Variants in ECE1 observed in about 807,000 individuals in gnomAD.
ECE1 encodes endothelin-converting enzyme 1.
ECE1 carries 35 observed loss-of-function variants against 98.6 expected under a neutral mutation model. The ratio of observed to expected loss-of-function variants is 0.35; its 90% CI spans 0.27 to 0.47. The LOEUF (loss-of-function observed/expected upper bound fraction) is 0.47, where lower values mean the gene tolerates loss of function less well. ECE1 is among the 20% of genes least tolerant of loss of function. The probability of loss-of-function intolerance (pLI) is 1.00; values close to 1 mark genes in which losing one functional copy is unlikely to be tolerated. For missense variants in ECE1, 814 were observed against 1,025.3 expected (o/e 0.79, Z 2.81); for synonymous variants, 394 against 407.1 (o/e 0.97, Z 0.39).
chr1:21,228,061 A>C lies in ECE1; in HGVS notation c.1671-20T>G, dbSNP rs190487320. On this transcript the variant is annotated intron_variant, in intron 14 of 18. Coordinates refer to ENST00000374893, the MANE Select transcript of ECE1 (RefSeq NM_001397.3). ...CTCCACCTGCAAGCAACACACATGC[A>C]GGAGGTCTCAGCACAGGGCGGGAGG... 12,109 of 1,546,418 alleles carry C rather than the reference A, an allele frequency of 7.8e-3. 66 individuals are homozygous for C. The highest frequency in any genetic ancestry group is 9.7e-3 in the Non-Finnish European group (11,082 of 1,143,096).
chr1:21,343,549 G>A lies in ECE1; in HGVS notation c.3+1827C>T, dbSNP rs142984271. ...GCTCAAGCTTGGAAAAGAAAACTAA[G>A]CAGTACTGAAGCAAAGCACTCTCAC... On this transcript the variant is annotated intron_variant, in intron 1 of 18. Transcript: ENST00000415912. 2.2e-3 allele frequency among the ~76,000 whole-genome samples: 329 copies of A among 152,336 alleles called. 3 individuals carry two copies. The highest frequency in any genetic ancestry group is 7.3e-3 in the African/African-American group (303 of 41,572).
At position 21,290,176 on chromosome 1, in the gene ECE1, A is replaced by C. The variant is rs1359450240; in HGVS notation, c.52-20T>G. ...CGACATCTGCAAGGCCAAATGCAGC[A>C]CGGACTCCCTCAGCGCCTCCATGGC... On this transcript the variant is annotated intron_variant, in intron 1 of 18. Coordinates refer to ENST00000374893, the MANE Select transcript of ECE1 (RefSeq NM_001397.3). The surrounding 1 kb of genome is among the most constrained non-coding windows in gnomAD (Gnocchi z 7.3). 2.6e-6 allele frequency: 4 copies of C among 1,541,212 alleles called. No homozygotes were observed. The highest frequency in any genetic ancestry group is 2.6e-6 in the Non-Finnish European group (3 of 1,146,198).
intron 4 of ECE1, among the ~76,000 whole-genome samples, chr1:21,262,264 G>C (rs1156863810): frequency 6.6e-6 from 1 of 152,162 alleles, no homozygotes; most frequent in African/African-American, 2.4e-5. Context: ...GGGCTACTGG[G>C]TTGCTAAGTG....
chr1:21,315,739 A>G (rs1291143280), intron 1 of ECE1, among the ~76,000 whole-genome samples: 1 of 143,018 alleles, frequency 7.0e-6, no homozygotes, highest in African/African-American at 2.6e-5. Flanking sequence ...GGTTGCAGTG[A>G]GCTGTGTGCC....
At chr1:21,334,310 G>A (rs1455123068) in intron 1 of ECE1, among the ~76,000 whole-genome samples, 1 of 152,210 alleles carries the variant, frequency 6.6e-6, no homozygotes, top group African/African-American at 2.4e-5. Context: ...CTGGCTCCCA[G>A]CCACCACACC....
At chr1:21,223,706 C>T (rs1452413845) in intron 17 of ECE1, among the ~76,000 whole-genome samples, 1 of 152,080 alleles carries the variant, frequency 6.6e-6, no homozygotes, top group Non-Finnish European at 1.5e-5. Flanking sequence ...CATCGTGATC[C>T]ACCCACCAAG....
At chr1:21,223,166 G>A (rs373019895) in intron 17 of ECE1, among the ~76,000 whole-genome samples, 3 of 152,016 alleles carry the variant, frequency 2.0e-5, no homozygotes, top group Non-Finnish European at 2.9e-5. Context: ...TGGTAGAGAC[G>A]GGGTTTCACC....
At chr1:21,317,055 G>A (rs955987253) in intron 1 of ECE1, among the ~76,000 whole-genome samples, 6 of 152,080 alleles carry the variant, frequency 3.9e-5, no homozygotes, top group Non-Finnish European at 5.9e-5. Context: ...GGTAAGAAAC[G>A]GACTGGGGGT....
intron 1 of ECE1, among the ~76,000 whole-genome samples, chr1:21,313,571 A>T (rs1044967324): frequency 1.5e-4 from 23 of 151,970 alleles, no homozygotes; most frequent in African/African-American, 5.1e-4. Context: ...GGAGTGGGGG[A>T]GCAGGGGGCT....
At chr1:21,282,569 CAG>C (rs911499902) in intron 2 of ECE1, among the ~76,000 whole-genome samples, 3 of 135,756 alleles carry the variant, frequency 2.2e-5, no homozygotes, top group African/African-American at 8.7e-5. Flanking sequence ...GCCTGGGTGA[CAG>C]AGTGAGACGC....
chr1:21,248,619 C>T (rs1447498967), intron 8 of ECE1, among the ~76,000 whole-genome samples: 1 of 151,810 alleles, frequency 6.6e-6, no homozygotes, highest in Non-Finnish European at 1.5e-5. Flanking sequence ...GTTCAGAGCT[C>T]TCTTTTTCTT....
upstream of ECE1, among the ~76,000 whole-genome samples, chr1:21,295,244 C>T (rs1186150992): frequency 1.3e-5 from 2 of 152,196 alleles, no homozygotes; most frequent in African/African-American, 2.4e-5. Flanking sequence ...GGCATGGTGA[C>T]TCATGCCTGC....
Position 21,219,904 on chromosome 1 carries a change from C to T in ECE1, c.*51G>A. The T allele has an allele frequency of 6.2e-7, 1 of 1,608,048 alleles. No homozygotes were observed. Among genetic ancestry groups the T allele is most frequent in the Non-Finnish European group, 8.5e-7 (1 of 1,177,250 alleles). On this transcript the variant is annotated 3_prime_UTR_variant, in exon 19 of 19. Coordinates refer to ENST00000374893, the MANE Select transcript of ECE1 (RefSeq NM_001397.3). This position sits in a 1 kb window ranked among gnomAD's most constrained non-coding sequence, Gnocchi z 4.5. ...AATGCCCTGGAGGCTGGATGGGGGT[C>T]TCGTCCTCAGCCCCTTCCCCTCCTC...
At position 21,322,037 on chromosome 1, in the gene ECE1, C is replaced by T. The variant is rs1166125953; in HGVS notation, c.3+23339G>A. On this transcript the variant is annotated intron_variant, in intron 1 of 18. Coordinates refer to the ECE1 transcript ENST00000415912. The surrounding 1 kb of genome is among the most constrained non-coding windows in gnomAD (Gnocchi z 4.1). ...CCCAGGTCCGAATGAAACAGAGCTG[C>T]GTCCCCGGCCACCCTTTGGTCTGGT... Among the ~76,000 whole-genome samples the T allele has an allele frequency of 2.0e-5, 3 of 152,168 alleles. No individual in the cohort carries two copies. Among genetic ancestry groups the T allele is most frequent in the South Asian group, 2.1e-4 (1 of 4,824 alleles).
In ECE1 at chr1:21,239,610, A is replaced by C. The variant is rs1417080566; in HGVS notation, c.1279-1366T>G. On this transcript the variant is annotated intron_variant, in intron 10 of 18. Coordinates refer to ENST00000374893, the MANE Select transcript of ECE1 (RefSeq NM_001397.3). ...TAAATTCCACAGACTCAAGCTGAGC[A>C]AAAGCAGCCAGGCACATCGTGTATA... 2.6e-5 allele frequency among the ~76,000 whole-genome samples: 4 copies of C among 152,342 alleles called. No homozygotes were observed. In the East Asian group the frequency reaches 7.7e-4, roughly 29 times the overall value.
chr1:21,280,912 G>C (rs2098253715), intron 2 of ECE1, among the ~76,000 whole-genome samples: 1 of 152,230 alleles, frequency 6.6e-6, no homozygotes, highest in South Asian at 2.1e-4. Context: ...AAAGGGGCCG[G>C]GCACGGCGGC....
chr1:21,331,051 C>T (rs894256052), intron 1 of ECE1, among the ~76,000 whole-genome samples: 7 of 152,076 alleles, frequency 4.6e-5, no homozygotes, highest in African/African-American at 1.4e-4. Context: ...CGAGGCAGGA[C>T]GATCGCTTGA....
At position 21,258,553 on chromosome 1, in the gene ECE1, G is replaced by A; in HGVS notation, c.762+140C>T. 1 of 1,369,772 alleles carries A rather than the reference G, an allele frequency of 7.3e-7. No homozygotes were observed. Among genetic ancestry groups the A allele is most frequent in the Non-Finnish European group, 1.0e-6 (1 of 989,792 alleles). 84.9% of individuals were successfully genotyped at this position (1,369,772 alleles called of 1,614,324 possible). A position where few individuals can be genotyped will look rare whatever the true frequency, so the allele number is the denominator to read the frequency against. On this transcript the variant is annotated intron_variant, in intron 6 of 18. Transcript: ENST00000374893. The surrounding 1 kb of genome is among the most constrained non-coding windows in gnomAD (Gnocchi z 4.2). Reference sequence around the variant, plus strand: ...CAAAGATCTCACCAGTGGGGCCTCTGGAAATAACCCAGGCTCAGAAACTAG... The same window carrying A: ...CAAAGATCTCACCAGTGGGGCCTCTAGAAATAACCCAGGCTCAGAAACTAG...
intron 4 of ECE1, among the ~76,000 whole-genome samples, chr1:21,267,708 AAGGC>A (rs1332857460): frequency 6.6e-6 from 1 of 152,228 alleles, no homozygotes; most frequent in Non-Finnish European, 1.5e-5. Flanking sequence ...CCCAAACAGG[AAGGC>A]AGCACCCACT....
Sources: allele counts gnomAD v4.1 joint callset (sites outside exome capture counted in the v4.1 genomes callset), GRCh38; gene constraint gnomAD v4.1.1; non-coding constraint Gnocchi (gnomAD v3.1); transcripts MANE v1.5; gene names NCBI Gene and HGNC (gene_info 2026-07-23, HGNC 2026-07-21).